PSD3: variants seen among roughly 807,000 people sequenced by gnomAD.
PSD3 encodes the protein PH and SEC7 domain-containing protein 3.
In PSD3, 49 loss-of-function variants were observed where a neutral mutation model predicts 105.5. The ratio of observed to expected loss-of-function variants is 0.46; its 90% CI spans 0.37 to 0.59. The LOEUF (loss-of-function observed/expected upper bound fraction) is 0.59. Ranked by LOEUF, PSD3 falls within the 20% of genes least tolerant of loss-of-function variation. PSD3 has a pLI of 0.00. For missense variants in PSD3, 1,561 were observed against 1,263.8 expected (o/e 1.24, Z -3.57); for synonymous variants, 557 against 457.8 (o/e 1.22, Z -2.77).
intron 11 of PSD3, among the ~76,000 whole-genome samples, chr8:18,605,628 GC>G (rs1467203120): frequency 6.6e-6 from 1 of 152,144 alleles, no homozygotes; most frequent in Non-Finnish European, 1.5e-5. Flanking sequence ...TTTGGGAGGG[GC>G]CTGGGGCGGA....
intron 9 of PSD3, among the ~76,000 whole-genome samples, chr8:18,695,328 C>G (rs932990891): frequency 1.3e-5 from 2 of 152,184 alleles, no homozygotes; most frequent in African/African-American, 4.8e-5. Flanking sequence ...GCCTTGCAGA[C>G]ATAAAAGTGC....
chr8:18,907,186 T>C (rs1187117151), intron 2 of PSD3, among the ~76,000 whole-genome samples: 2 of 152,204 alleles, frequency 1.3e-5, no homozygotes, highest in Non-Finnish European at 2.9e-5. Context: ...TAAGTGTTGA[T>C]TGTTCATAAA....
intron 2 of PSD3, among the ~76,000 whole-genome samples, chr8:18,920,469 G>A (rs1450184862): frequency 6.6e-6 from 1 of 152,266 alleles, no homozygotes; most frequent in Non-Finnish European, 1.5e-5. Context: ...ATGGTGATGC[G>A]GGAGCATGAG....
intron 9 of PSD3, among the ~76,000 whole-genome samples, chr8:18,696,420 G>C (rs1027548149): frequency 1.3e-5 from 2 of 152,202 alleles, no homozygotes; most frequent in African/African-American, 2.4e-5. Flanking sequence ...GCTAAGACAG[G>C]AGCTTGGATT....
intron 10 of PSD3, among the ~76,000 whole-genome samples, chr8:18,651,253 G>C (rs1232332381): frequency 6.6e-6 from 1 of 152,152 alleles, no homozygotes; most frequent in African/African-American, 2.4e-5. Flanking sequence ...ACTGAACCCA[G>C]TCAGAAAACC....
intron 9 of PSD3, among the ~76,000 whole-genome samples, chr8:18,759,078 T>TCACACACACACACACACACACACA (rs199628183): frequency 5.4e-5 from 8 of 148,642 alleles, no homozygotes; most frequent in East Asian, 2.1e-4. Flanking sequence ...AACCCATTCT[T>TCACACACACACACACACACACACA]CACACACACA....
At chr8:18,956,092 G>A (rs1044399361) in intron 1 of PSD3, among the ~76,000 whole-genome samples, 8 of 152,116 alleles carry the variant, frequency 5.3e-5, no homozygotes, top group Non-Finnish European at 8.8e-5. Context: ...CTAATCAACT[G>A]AATGAATGGA....
intron 4 of PSD3, among the ~76,000 whole-genome samples, chr8:18,860,377 C>T (rs753325613): frequency 2.0e-5 from 3 of 150,502 alleles, no homozygotes; most frequent in Non-Finnish European, 4.4e-5. Context: ...GACACAGAGA[C>T]AAAAAGTGAG....
rs146909732 is a variant in PSD3 at position 18,660,959 on chromosome 8, G to A, written c.2173-5274C>T. The stretch of plus-strand genomic sequence containing the variant: ...TCTGGTCTAAATTTAATTTTAAGTC[G>A]TTGTTCCTCACTTTTGGTTGCTTCT... On this transcript the variant is annotated intron_variant, in intron 9 of 15. Coordinates refer to ENST00000327040, the MANE Select transcript of PSD3 (RefSeq NM_015310.4). 6.4e-4 allele frequency among the ~76,000 whole-genome samples: 97 copies of A among 152,216 alleles called. 1 individual carries two copies. Among genetic ancestry groups the A allele is most frequent in the Admixed American group, 2.4e-3 (37 of 15,292 alleles).
chr8:18,748,669 A>G (rs1178693840), intron 9 of PSD3, among the ~76,000 whole-genome samples: 1 of 152,062 alleles, frequency 6.6e-6, no homozygotes, highest in Non-Finnish European at 1.5e-5. Context: ...CCAAAAAAAA[A>G]AAAAAAAAAA....
intron 8 of PSD3, among the ~76,000 whole-genome samples, chr8:18,793,192 G>C (rs895866427): frequency 2.8e-4 from 43 of 152,148 alleles, no homozygotes; most frequent in African/African-American, 8.9e-4. Flanking sequence ...AGAGGGAGGA[G>C]GGATAGCATT....
chr8:18,686,233 A>T (rs1800655480), intron 9 of PSD3, among the ~76,000 whole-genome samples: 1 of 152,210 alleles, frequency 6.6e-6, no homozygotes, highest in African/African-American at 2.4e-5. Context: ...ACCTTACAGA[A>T]GCCACTTGTT....
At chr8:18,982,216 G>C (rs1157379402) in intron 1 of PSD3, among the ~76,000 whole-genome samples, 1 of 152,172 alleles carries the variant, frequency 6.6e-6, no homozygotes, top group African/African-American at 2.4e-5. Flanking sequence ...ATCCACTAAT[G>C]GTGCATCCTG....
chr8:18,665,578 G>C (rs555372366), intron 9 of PSD3, among the ~76,000 whole-genome samples: 2 of 152,350 alleles, frequency 1.3e-5, no homozygotes, highest in Admixed American at 1.3e-4. Flanking sequence ...AATAAACATA[G>C]TTCATAAAGC....
intron 10 of PSD3, among the ~76,000 whole-genome samples, chr8:18,636,602 A>C (rs1259203498): frequency 6.6e-6 from 1 of 152,204 alleles, no homozygotes; most frequent in Non-Finnish European, 1.5e-5. Context: ...ACCCAGAGCA[A>C]CTTCCAGTTC....
At chr8:18,885,384 A>C (rs1818389322) in intron 2 of PSD3, among the ~76,000 whole-genome samples, 1 of 152,160 alleles carries the variant, frequency 6.6e-6, no homozygotes, top group Non-Finnish European at 1.5e-5. Flanking sequence ...AAATTAACAC[A>C]TATATGGTAA....
chr8:18,987,171 C>T (rs1183403523), intron 1 of PSD3, among the ~76,000 whole-genome samples: 3 of 151,532 alleles, frequency 2.0e-5, no homozygotes, highest in Admixed American at 6.6e-5. Context: ...ACAACACTCA[C>T]GGTATTATTT....
chr8:18,831,967 G>A (rs1470537472), intron 4 of PSD3, among the ~76,000 whole-genome samples: 1 of 152,080 alleles, frequency 6.6e-6, no homozygotes, highest in Non-Finnish European at 1.5e-5. Flanking sequence ...TTGAAACAAT[G>A]TCTTTGTATT....
At position 18,783,723 on chromosome 8, in the gene PSD3, T is replaced by A. The variant is rs145484482; in HGVS notation, c.2082+15572A>T. On this transcript the variant is annotated intron_variant, in intron 8 of 15. Transcript: ENST00000327040. Reference sequence around the variant, plus strand: ...ATCTCAGCTCACTGCAACCTCCGTCTCCTGGGTCAAGTGATTCTCTCACAT... The same window carrying A: ...ATCTCAGCTCACTGCAACCTCCGTCACCTGGGTCAAGTGATTCTCTCACAT... 3.4e-3 allele frequency among the ~76,000 whole-genome samples: 522 copies of A among 152,334 alleles called. 4 individuals carry two copies. The highest frequency in any genetic ancestry group is 0.012 in the African/African-American group (500 of 41,572).
Sources: allele counts gnomAD v4.1 joint callset (sites outside exome capture counted in the v4.1 genomes callset), GRCh38; gene constraint gnomAD v4.1.1; transcripts MANE v1.5; gene names NCBI Gene and HGNC (gene_info 2026-07-23, HGNC 2026-07-21).